The following KRT8 variants were observed in gnomAD, a reference collection of about 807,000 sequenced individuals.
KRT8 encodes keratin, type II cytoskeletal 8.
A neutral mutation model predicts 43.0 loss-of-function variants in KRT8; 24 were observed. The ratio of observed to expected loss-of-function variants is 0.56; its 90% CI spans 0.40 to 0.78. The LOEUF is 0.78. Among genes scored for constraint, KRT8 ranks in the 30% least tolerant of loss-of-function variants. The pLI, the probability that KRT8 is intolerant of heterozygous loss-of-function variation, is 0.00. For synonymous variants in KRT8, 214 were observed against 261.2 expected, an observed-to-expected ratio of 0.82 and a Z score of 1.74; for missense variants, 492 against 638.4, an observed-to-expected ratio of 0.77 and a Z score of 2.47.
intron 2 of KRT8, among the ~76,000 whole-genome samples, chr12:52,916,028 G>C (rs2120632603): frequency 6.6e-6 from 1 of 152,324 alleles, no homozygotes; most frequent in African/African-American, 2.4e-5. Flanking sequence ...GATATGGATG[G>C]AAAGATCTGG....
At chr12:52,903,278 T>C (rs1277670493) in intron 1 of KRT8, among the ~76,000 whole-genome samples, 6 of 152,102 alleles carry the variant, frequency 3.9e-5, no homozygotes, top group Non-Finnish European at 5.9e-5. Flanking sequence ...ATTCATTTTA[T>C]AGATGAGGAA....
intron 2 of KRT8, among the ~76,000 whole-genome samples, chr12:52,927,493 G>A (rs774266165): frequency 1.9e-4 from 29 of 152,188 alleles, no homozygotes; most frequent in South Asian, 4.1e-4. Flanking sequence ...CCAAACTAAG[G>A]GGTGGCCATG....
rs1452895866 is a variant in KRT8, at chr12:52,900,172, G to A, written c.691-107C>T. ...ATAAGACAGGGGCAGCAGAGGAGAG[G>A]AGCAGGTGGGAGTCAGGGTCAGGGA... On this transcript the variant is annotated intron_variant, in intron 4 of 7. Transcript: ENST00000692008. 1.1e-5 allele frequency: 12 copies of A among 1,140,926 alleles called. No individual in the cohort carries two copies. In the East Asian group the frequency reaches 2.8e-4, roughly 26 times the overall value. The allele number at this position is 1,140,926 out of a possible 1,614,324, so 70.7% of individuals were successfully genotyped here.
intron 1 of KRT8, chr12:52,902,283 T>C (rs1273268653): frequency 5.1e-6 from 3 of 592,040 alleles, no homozygotes; most frequent in Non-Finnish European, 9.0e-6. Context: ...CCCTCAGCAT[T>C]GGGTAGGGGA....
chr12:52,909,467 C>T (rs762269230), upstream of KRT8, among the ~76,000 whole-genome samples: 44 of 152,190 alleles, frequency 2.9e-4, no homozygotes, highest in Non-Finnish European at 4.7e-4. Context: ...AGAGTCAATT[C>T]GATTGCTAAT....
intron 7 of KRT8, 69 bp downstream of exon 7, chr12:52,898,392 C>T: frequency 1.1e-5 from 15 of 1,350,858 alleles, no homozygotes; most frequent in Non-Finnish European, 1.6e-5. Flanking sequence ...GAGCACAGCC[C>T]CCTCCCTGGA....
intron 1 of KRT8, chr12:52,949,710 C>A: frequency 1.1e-6 from 1 of 929,798 alleles, no homozygotes; most frequent in African/African-American, 1.6e-5. Context: ...GGGGGTTGGG[C>A]ATACCTGGAT....
At position 52,926,653 on chromosome 12, in the gene KRT8, C is replaced by T. The variant is rs73297767; in HGVS notation, c.-46-21626G>A. On this transcript the variant is annotated intron_variant, in intron 2 of 6. Coordinates refer to the KRT8 transcript ENST00000546826. The stretch of plus-strand genomic sequence containing the variant: ...ACCTGATCCACAGTCATTTAGCATG[C>T]ACTGAACATCCACTATTAATGAGGC... 2.5e-3 allele frequency among the ~76,000 whole-genome samples: 388 copies of T among 152,272 alleles called. 2 individuals carry two copies. Among genetic ancestry groups the T allele is most frequent in the African/African-American group, 8.8e-3 (366 of 41,548 alleles).
upstream of KRT8, among the ~76,000 whole-genome samples, chr12:52,911,431 T>A (rs1941634811): frequency 6.6e-6 from 1 of 152,126 alleles, no homozygotes; most frequent in Admixed American, 6.5e-5. Flanking sequence ...ACTGGGCACA[T>A]GCTGGGAAGA....
chr12:52,948,474 G>C, intron 2 of KRT8: 1 of 152,754 alleles, frequency 6.5e-6, no homozygotes, highest in East Asian at 1.9e-4. Flanking sequence ...CACACCACCA[G>C]ACCCCCAAAT....
In KRT8 at chr12:52,918,745, C is replaced by A. The variant is rs145857954; in HGVS notation, c.-46-13718G>T. ...TTTCAAGACATGTTAGCTTGACTCT[C>A]ACCAACCCTCCCTGCTTGTCCCCCA... On this transcript the variant is annotated intron_variant, in intron 2 of 6. Transcript: ENST00000546826. Among the ~76,000 whole-genome samples, 728 of 152,304 alleles carry A rather than the reference C, an allele frequency of 4.8e-3. 6 individuals carry two copies. Among genetic ancestry groups the A allele is most frequent in the Non-Finnish European group, 8.7e-3 (591 of 68,034 alleles).
chr12:52,933,263 A>G (rs1323218920), intron 2 of KRT8, among the ~76,000 whole-genome samples: 1 of 152,086 alleles, frequency 6.6e-6, no homozygotes, highest in East Asian at 1.9e-4. Flanking sequence ...TTACGTTTCT[A>G]TATACTGGCA....
rs1360644477 is a variant in KRT8, at chr12:52,917,276, C to A, written c.-46-12249G>T. 2.6e-5 allele frequency among the ~76,000 whole-genome samples: 4 copies of A among 151,934 alleles called. 1 individual carries two copies. Among genetic ancestry groups the A allele is most frequent in the Non-Finnish European group, 5.9e-5 (4 of 67,998 alleles). On this transcript the variant is annotated intron_variant, in intron 2 of 6. Transcript: ENST00000546826. ...TAGCCGGGTGTGGTGGTGGTGCACA[C>A]CTGTAATCCCAGCTACTTGGGAGGC... is the stretch of plus-strand genomic sequence containing the variant.
chr12:52,931,903 T>C (rs1195216950), intron 2 of KRT8, among the ~76,000 whole-genome samples: 3 of 152,038 alleles, frequency 2.0e-5, no homozygotes, highest in Non-Finnish European at 2.9e-5. Flanking sequence ...CCTCAAGTGA[T>C]CCATCTGCCT....
At chr12:52,939,461 C>A (rs529944710) in intron 2 of KRT8, among the ~76,000 whole-genome samples, 86 of 151,946 alleles carry the variant, frequency 5.7e-4, no homozygotes, top group African/African-American at 1.8e-3. Context: ...CTGAGATCAC[C>A]CCTGTAATCC....
chr12:52,900,474 T>C, intron 4 of KRT8, 114 bp downstream of exon 4: 1 of 755,016 alleles, frequency 1.3e-6, no homozygotes. Context: ...TAGTCAGCAG[T>C]GGGCCTTTGT....
chr12:52,926,322 G>A (rs1367033444), intron 2 of KRT8: 1 of 972,042 alleles, frequency 1.0e-6, no homozygotes, highest in Non-Finnish European at 1.5e-6. Flanking sequence ...TTCCCCACCT[G>A]GCACTAGCTG....
At chr12:52,906,034 T>G (rs1397301990), upstream of KRT8, among the ~76,000 whole-genome samples, 1 of 152,106 alleles carries the variant, frequency 6.6e-6, no homozygotes, top group Non-Finnish European at 1.5e-5. Flanking sequence ...TGAGCTGAGA[T>G]CGTGCCACTG....
At chr12:52,949,126 C>A (rs758566910) in intron 2 of KRT8, 1 of 1,344,688 alleles carries the variant, frequency 7.4e-7, no homozygotes, top group South Asian at 1.2e-5. Context: ...AGGCCGCCAC[C>A]GTCGTCCGCA....
Sources: allele counts gnomAD v4.1 joint callset (sites outside exome capture counted in the v4.1 genomes callset), GRCh38; gene constraint gnomAD v4.1.1; transcripts MANE v1.5; gene names NCBI Gene and HGNC (gene_info 2026-07-23, HGNC 2026-07-21).